Variants in LAMA2 observed in about 807,000 individuals in gnomAD.
LAMA2 encodes laminin subunit alpha 2, also known as laminin subunit alpha-2.
Under a neutral mutation model 364.8 loss-of-function variants are expected in LAMA2, and 269 were observed. The observed-to-expected ratio is 0.74, with a 90% CI of 0.67 to 0.82. LAMA2 has a LOEUF of 0.82. LAMA2 is among the 40% of genes least tolerant of loss of function. The pLI is 0.00. For synonymous variants in LAMA2, 1,379 were observed against 1,370.6 expected, an observed-to-expected ratio of 1.01 and a Z score of -0.14; for missense variants, 3,807 against 3,873.2, an observed-to-expected ratio of 0.98 and a Z score of 0.45.
chr6:129,031,398 G>T (rs1209778383), intron 1 of LAMA2, among the ~76,000 whole-genome samples: 1 of 152,068 alleles, frequency 6.6e-6, no homozygotes, highest in Non-Finnish European at 1.5e-5. Context: ...GAAGCTGGGG[G>T]TGGGGGGAAT....
intron 22 of LAMA2, among the ~76,000 whole-genome samples, chr6:129,302,729 T>TC (rs1269885768): frequency 6.6e-6 from 1 of 152,128 alleles, no homozygotes; most frequent in Admixed American, 6.5e-5. Flanking sequence ...CTATCCTTTT[T>TC]CCCATTGAAT....
chr6:129,248,055 C>T (rs1785895854), intron 12 of LAMA2, among the ~76,000 whole-genome samples: 1 of 152,160 alleles, frequency 6.6e-6, no homozygotes, highest in Non-Finnish European at 1.5e-5. Flanking sequence ...AAGCATCAGG[C>T]AAGTGAGCAT....
At chr6:128,950,002 A>G (rs1780714234) in intron 1 of LAMA2, among the ~76,000 whole-genome samples, 1 of 152,202 alleles carries the variant, frequency 6.6e-6, no homozygotes, top group Admixed American at 6.5e-5. Flanking sequence ...AAATATTTTG[A>G]TTCTAAACAA....
At chr6:129,270,843 T>A in intron 17 of LAMA2, 92 bp downstream of exon 17, 1 of 1,305,944 alleles carries the variant, frequency 7.7e-7, no homozygotes, top group Non-Finnish European at 1.1e-6. Context: ...TTATCCCATG[T>A]AAATAAATAA....
intron 24 of LAMA2, among the ~76,000 whole-genome samples, 165 bp downstream of exon 24, chr6:129,314,963 G>A (rs191331061): frequency 1.2e-4 from 19 of 152,298 alleles, no homozygotes; most frequent in Non-Finnish European, 2.4e-4. Context: ...TAGAGAGTTG[G>A]AGTAAATGCC....
Position 129,148,587 on chromosome 6 carries a change from G to A in LAMA2, c.910-392G>A, listed in dbSNP as rs539871261. On this transcript the variant is annotated intron_variant, in intron 6 of 64. Transcript: ENST00000421865. Reference sequence around the variant, plus strand: ...TTTACCTGCACCCCTAGAGGCCTAGGAATCAACTCCCTCCTTCTTGCCATA... The same window carrying A: ...TTTACCTGCACCCCTAGAGGCCTAGAAATCAACTCCCTCCTTCTTGCCATA... Among the ~76,000 whole-genome samples, 4 of 152,128 alleles carry A rather than the reference G, an allele frequency of 2.6e-5. No homozygotes were observed. The South Asian group carries it at 6.2e-4, about 24-fold the overall frequency.
At chr6:129,205,493 TAC>T (rs767013359) in intron 12 of LAMA2, among the ~76,000 whole-genome samples, 12,665 of 103,820 alleles carry the variant, frequency 0.12, 736 homozygotes, top group Middle Eastern at 0.12. Flanking sequence ...TATATATATA[TAC>T]ACACACACAC....
chr6:129,514,023 T>G lies in LAMA2; in HGVS notation c.8989-350T>G, dbSNP rs961175643. ...ATTTTATAAGGTTCAGTCAGAACTC[T>G]CACATTCTAAAAAGACGTGAGGTAG... On this transcript the variant is annotated intron_variant, in intron 63 of 64. Coordinates refer to ENST00000421865, the MANE Select transcript of LAMA2 (RefSeq NM_000426.4). Among the ~76,000 whole-genome samples the G allele has an allele frequency of 2.0e-5, 3 of 152,252 alleles. No homozygotes were observed. The East Asian group carries it at 5.8e-4, about 29-fold the overall frequency.
At chr6:129,089,402 A>T (rs566415610) in intron 3 of LAMA2, among the ~76,000 whole-genome samples, 3,624 of 152,346 alleles carry the variant, frequency 0.024, 156 homozygotes, top group African/African-American at 0.081. Flanking sequence ...AGCACAAAAA[A>T]CAAAGGCAAT....
intron 30 of LAMA2, among the ~76,000 whole-genome samples, chr6:129,344,947 G>A (rs977164638): frequency 4.6e-5 from 7 of 152,182 alleles, no homozygotes; most frequent in African/African-American, 1.4e-4. Flanking sequence ...GTTCAGCAAG[G>A]AGACAAGAGT....
chr6:128,991,980 G>A (rs966058485), intron 1 of LAMA2, among the ~76,000 whole-genome samples: 1 of 152,170 alleles, frequency 6.6e-6, no homozygotes, highest in South Asian at 2.1e-4. Context: ...TATTTGCAAA[G>A]TATTTTCACT....
chr6:129,198,926 T>A (rs779265664), intron 12 of LAMA2, among the ~76,000 whole-genome samples: 3 of 152,144 alleles, frequency 2.0e-5, no homozygotes, highest in Non-Finnish European at 2.9e-5. Context: ...GTAATATCAA[T>A]CAAAATTCAA....
chr6:129,383,705 C>A (rs909041748), intron 35 of LAMA2, among the ~76,000 whole-genome samples: 1 of 152,118 alleles, frequency 6.6e-6, no homozygotes, highest in African/African-American at 2.4e-5. Flanking sequence ...ATGAGAAGCT[C>A]TGGTGCATTT....
chr6:128,883,176 C>A lies in LAMA2; in HGVS notation c.-70C>A. 6.9e-7 allele frequency: 1 copy of A among 1,443,858 alleles called. No homozygotes were observed. Among genetic ancestry groups the A allele is most frequent in the African/African-American group, 1.4e-5 (1 of 71,156 alleles). The allele number at this position is 1,443,858 out of a possible 1,614,324, so 89.4% of individuals were successfully genotyped here. ...GCTGCTGCTCGCTCAGCTCACAAGC[C>A]AAGGCCAGGGGACAGGGCGGCAGCG... is the stretch of plus-strand genomic sequence containing the variant. On this transcript the variant is annotated 5_prime_UTR_variant, in exon 1 of 65. Transcript: ENST00000421865.
At chr6:129,353,876 G>A (rs577976159) in intron 32 of LAMA2, among the ~76,000 whole-genome samples, 1 of 152,230 alleles carries the variant, frequency 6.6e-6, no homozygotes, top group African/African-American at 2.4e-5. Context: ...ATGAAGTCAA[G>A]TATTTTTACT....
At chr6:129,391,802 T>C in intron 36 of LAMA2, 149 bp downstream of exon 36, 1 of 644,996 alleles carries the variant, frequency 1.6e-6, no homozygotes, top group Non-Finnish European at 2.7e-6. Flanking sequence ...CATCTATCTA[T>C]CTATCTATCT....
intron 9 of LAMA2, among the ~76,000 whole-genome samples, chr6:129,171,308 G>T (rs1054062321): frequency 6.6e-5 from 10 of 152,170 alleles, no homozygotes; most frequent in South Asian, 2.1e-4. Context: ...TGCAGTGGCT[G>T]GTACTGGTTG....
At chr6:129,285,889 A>C (rs796096689) in intron 18 of LAMA2, among the ~76,000 whole-genome samples, 12 of 152,284 alleles carry the variant, frequency 7.9e-5, no homozygotes, top group African/African-American at 2.9e-4. Context: ...TATACAACTC[A>C]TAAGTGTATA....
intron 2 of LAMA2, among the ~76,000 whole-genome samples, chr6:129,054,189 C>T (rs558405421): frequency 1.3e-5 from 2 of 152,004 alleles, no homozygotes; most frequent in Non-Finnish European, 2.9e-5. Flanking sequence ...AGATTATGAG[C>T]CTCTCAGGGG....
Sources: gnomAD v4.1 joint callset for allele counts (sites outside exome capture counted in the v4.1 genomes callset) on GRCh38, gnomAD v4.1.1 for gene constraint, MANE v1.5 for transcripts, NCBI Gene and HGNC (gene_info 2026-07-23, HGNC 2026-07-21) for gene names.